Variants in PLXDC2 observed in about 807,000 individuals in gnomAD.
PLXDC2 encodes the protein plexin domain containing 2.
PLXDC2 carries 40 observed loss-of-function variants against 68.9 expected under a neutral mutation model. The ratio of observed to expected loss-of-function variants is 0.58; its 90% CI spans 0.45 to 0.76. The LOEUF (loss-of-function observed/expected upper bound fraction) is 0.76. Ranked by LOEUF, PLXDC2 falls within the 30% of genes least tolerant of loss-of-function variation. The pLI is 0.00. For missense variants in PLXDC2, 644 were observed against 661.9 expected (o/e 0.97, Z 0.30); for synonymous variants, 243 against 234.2 (o/e 1.04, Z -0.34).
chr10:19,961,745 C>T (rs1821909280), intron 1 of PLXDC2, among the ~76,000 whole-genome samples: 1 of 152,184 alleles, frequency 6.6e-6, no homozygotes, highest in African/African-American at 2.4e-5. Context: ...TCGCAGTGAC[C>T]TATGAGAGGA....
intron 1 of PLXDC2, among the ~76,000 whole-genome samples, chr10:19,994,068 C>A (rs1834797689): frequency 6.6e-6 from 1 of 152,066 alleles, no homozygotes. Flanking sequence ...CCCACATAGC[C>A]ATGCCCACAT....
chr10:20,057,156 C>T (rs1373843290), intron 3 of PLXDC2, among the ~76,000 whole-genome samples: 2 of 152,028 alleles, frequency 1.3e-5, no homozygotes, highest in Admixed American at 1.3e-4. Context: ...TATTCTCATC[C>T]TAAAGTTATT....
intron 1 of PLXDC2, among the ~76,000 whole-genome samples, chr10:19,947,772 G>A (rs1455015951): frequency 8.4e-6 from 1 of 119,288 alleles, no homozygotes; most frequent in Non-Finnish European, 1.7e-5. Context: ...TTTTACTATA[G>A]TTAATTATTA....
At chr10:20,178,668 C>T (rs551553533) in intron 9 of PLXDC2, among the ~76,000 whole-genome samples, 14 of 152,208 alleles carry the variant, frequency 9.2e-5, no homozygotes, top group African/African-American at 3.4e-4. Flanking sequence ...TACTTTAAAA[C>T]TTATTGAAGA....
intron 7 of PLXDC2, among the ~76,000 whole-genome samples, chr10:20,176,049 A>G (rs1372729978): frequency 6.6e-6 from 1 of 152,130 alleles, no homozygotes; most frequent in Non-Finnish European, 1.5e-5. Flanking sequence ...ATGTTAAAAT[A>G]TGTTTGCTTA....
intron 2 of PLXDC2, among the ~76,000 whole-genome samples, chr10:20,023,298 G>A (rs946065829): frequency 6.6e-6 from 1 of 151,900 alleles, no homozygotes; most frequent in Non-Finnish European, 1.5e-5. Context: ...GGGAACTACT[G>A]CTTTACAAAT....
rs574014742 is a variant in PLXDC2, at chr10:19,844,830, C to T, written c.112+27639C>T. On this transcript the variant is annotated intron_variant, in intron 1 of 13. Coordinates refer to ENST00000377252, the MANE Select transcript of PLXDC2 (RefSeq NM_032812.9). ...ATGTTGTCCAGGCTGGTCTTGAACT[C>T]CTGAGCTCTGGCCTTGGCCTCCCAA... Among the ~76,000 whole-genome samples the T allele has an allele frequency of 1.1e-4, 16 of 152,198 alleles. No individual in the cohort carries two copies. The South Asian group carries it at 3.1e-3, about 30-fold the overall frequency.
At chr10:20,145,507 A>G (rs761538441) in intron 5 of PLXDC2, among the ~76,000 whole-genome samples, 8 of 152,152 alleles carry the variant, frequency 5.3e-5, no homozygotes, top group Non-Finnish European at 7.4e-5. Context: ...GAGCTATGCT[A>G]TTACATAATA....
intron 1 of PLXDC2, among the ~76,000 whole-genome samples, chr10:19,945,605 C>A (rs992343808): frequency 6.6e-6 from 1 of 152,142 alleles, no homozygotes; most frequent in Non-Finnish European, 1.5e-5. Context: ...AAATCCTTGG[C>A]TGAGAGTGGT....
chr10:20,269,071 A>C (rs775093006), intron 13 of PLXDC2, among the ~76,000 whole-genome samples: 1 of 152,184 alleles, frequency 6.6e-6, no homozygotes, highest in African/African-American at 2.4e-5. Context: ...AAACCAAAGA[A>C]TCTGTGCAGT....
intron 6 of PLXDC2, among the ~76,000 whole-genome samples, chr10:20,158,066 A>T (rs535090620): frequency 2.1e-5 from 3 of 146,238 alleles, no homozygotes; most frequent in Non-Finnish European, 3.0e-5. Context: ...TACATTGTTT[A>T]AAAAAAAAAA....
intron 1 of PLXDC2, among the ~76,000 whole-genome samples, chr10:19,967,910 G>A (rs1834290036): frequency 6.6e-6 from 1 of 152,210 alleles, no homozygotes; most frequent in African/African-American, 2.4e-5. Context: ...TAATGTTGAT[G>A]AAACAGATCT....
At chr10:19,837,899 C>A (rs1339071435) in intron 1 of PLXDC2, among the ~76,000 whole-genome samples, 7 of 151,994 alleles carry the variant, frequency 4.6e-5, no homozygotes, top group Non-Finnish European at 8.8e-5. Context: ...AAGATATTAG[C>A]AAAAAGTGAC....
chr10:20,244,420 G>A (rs988167753), intron 12 of PLXDC2, among the ~76,000 whole-genome samples: 1 of 152,184 alleles, frequency 6.6e-6, no homozygotes, highest in Non-Finnish European at 1.5e-5. Flanking sequence ...GTAAAAGTTA[G>A]AGGAAATTAT....
chr10:20,143,547 G>A lies in PLXDC2; in HGVS notation c.664+130G>A, dbSNP rs565207864. 6.3e-5 allele frequency: 70 copies of A among 1,108,330 alleles called. No individual in the cohort carries two copies. The African/African-American group carries it at 8.6e-4, about 14-fold the overall frequency. 68.7% of individuals were successfully genotyped at this position (1,108,330 alleles called of 1,614,324 possible). On this transcript the variant is annotated intron_variant, in intron 5 of 13. Transcript: ENST00000377252. The stretch of plus-strand genomic sequence containing the variant: ...CTGCTTGATGCAAATGGTCTGAGAG[G>A]ACAAATATTATACTGCTAAGATTTA...
intron 3 of PLXDC2, among the ~76,000 whole-genome samples, chr10:20,050,796 T>G (rs1436868472): frequency 6.6e-6 from 1 of 151,892 alleles, no homozygotes; most frequent in East Asian, 1.9e-4. Context: ...ATGGTGTAAA[T>G]TAGTTCAACC....
At chr10:19,929,596 C>T (rs756119426) in intron 1 of PLXDC2, among the ~76,000 whole-genome samples, 1 of 152,242 alleles carries the variant, frequency 6.6e-6, no homozygotes, top group African/African-American at 2.4e-5. Context: ...TATTTGTACA[C>T]GTGCCAACAC....
At chr10:20,179,031 T>G (rs1834565983) in intron 9 of PLXDC2, among the ~76,000 whole-genome samples, 1 of 152,136 alleles carries the variant, frequency 6.6e-6, no homozygotes, top group African/African-American at 2.4e-5. Context: ...AAAATCTGTT[T>G]AGATAACGAC....
At chr10:19,929,457 C>A (rs12261207) in intron 1 of PLXDC2, among the ~76,000 whole-genome samples, 21,451 of 152,114 alleles carry the variant, frequency 0.14, 1,996 homozygotes, top group East Asian at 0.27. Context: ...TCAAGAGAAT[C>A]TCCATTTCTT....
Sources: allele counts gnomAD v4.1 joint callset (sites outside exome capture counted in the v4.1 genomes callset), GRCh38; gene constraint gnomAD v4.1.1; transcripts MANE v1.5; gene names NCBI Gene and HGNC (gene_info 2026-07-23, HGNC 2026-07-21).